Variants in NSD1 observed in about 807,000 individuals in gnomAD.
The protein encoded by NSD1 is histone-lysine N-methyltransferase, H3 lysine-36 specific.
NSD1 carries 26 observed loss-of-function variants against 242.7 expected under a neutral mutation model. The ratio of observed to expected loss-of-function variants is 0.11; its 90% confidence interval spans 0.08 to 0.15. The LOEUF (loss-of-function observed/expected upper bound fraction) is 0.15, where lower values mean the gene tolerates loss of function less well. NSD1 is among the 10% of genes least tolerant of loss of function. NSD1 has a pLI of 1.00. For missense variants in NSD1, 2,495 were observed against 3,272.8 expected, an observed-to-expected ratio of 0.76 and a Z score of 5.80; for synonymous variants, 1,106 against 1,178.1, an observed-to-expected ratio of 0.94 and a Z score of 1.25.
chr5:177,283,206 G>A (rs6870656), intron 19 of NSD1, among the ~76,000 whole-genome samples: 164 of 152,200 alleles, frequency 1.1e-3, no homozygotes, highest in African/African-American at 3.7e-3. Context: ...TGCCTGCCTC[G>A]GACTCCCAAA....
intron 2 of NSD1, among the ~76,000 whole-genome samples, chr5:177,185,896 T>C (rs1761131676): frequency 1.2e-5 from 1 of 83,670 alleles, no homozygotes. Context: ...AATATATTTA[T>C]ATATTTTATA....
chr5:177,199,146 C>T (rs1762320962), intron 3 of NSD1, among the ~76,000 whole-genome samples: 1 of 152,206 alleles, frequency 6.6e-6, no homozygotes, highest in African/African-American at 2.4e-5. Flanking sequence ...AGGAGATATT[C>T]AGCAGTTAAT....
intron 20 of NSD1, among the ~76,000 whole-genome samples, chr5:177,284,664 T>C (rs1366648012): frequency 6.6e-6 from 1 of 152,232 alleles, no homozygotes; most frequent in East Asian, 1.9e-4. Context: ...CATATGAACT[T>C]ACCACTAATA....
intron 14 of NSD1, among the ~76,000 whole-genome samples, chr5:177,263,891 C>A (rs955102943): frequency 3.9e-5 from 6 of 152,052 alleles, no homozygotes; most frequent in African/African-American, 1.4e-4. Context: ...TTAAAATTTT[C>A]GTAAACTATT....
In NSD1 at chr5:177,211,353, C is replaced by T. The variant is rs769137468; in HGVS notation, c.2954C>T (p.Ser985Phe). Reference sequence around the variant, plus strand: ...AATCCTAGCCCTAGTGGGGGTGACTCTGCATTATCTGGCGAGTTGTCTGCT... The same window carrying T: ...AATCCTAGCCCTAGTGGGGGTGACTTTGCATTATCTGGCGAGTTGTCTGCT... ...SANPSPSGGD[S>F]ALSGELSASL... Residue 985 changes from serine to phenylalanine, a missense_variant, in exon 5 of 23, where the codon TCT (serine) becomes TTT (phenylalanine). Physicochemically the swap from Ser to Phe is radical, Grantham distance 155. Around this residue, in one of 19 missense-constraint regions of NSD1, gnomAD observed 426 missense variants for 411.4 expected, o/e 1.04. Transcript: ENST00000439151. 6.2e-7 allele frequency: 1 copy of T among 1,614,116 alleles called. No homozygotes were observed. The highest frequency in any genetic ancestry group is 8.5e-7 in the Non-Finnish European group (1 of 1,180,014).
chr5:177,254,285 A>T (rs936509339), intron 12 of NSD1, among the ~76,000 whole-genome samples: 2 of 152,160 alleles, frequency 1.3e-5, no homozygotes, highest in East Asian at 3.9e-4. Flanking sequence ...TGTAAGACTA[A>T]TAGTTCTTAA....
At chr5:177,207,578 G>A (rs1482431427) in intron 4 of NSD1, among the ~76,000 whole-genome samples, 1 of 136,002 alleles carries the variant, frequency 7.4e-6, no homozygotes, top group Non-Finnish European at 1.5e-5. Flanking sequence ...CACCGTGCCT[G>A]GCCTATTTAT....
At chr5:177,288,486 TTGA>T (rs1167012244) in intron 20 of NSD1, 2 of 317,376 alleles carry the variant, frequency 6.3e-6, no homozygotes, top group Non-Finnish European at 1.2e-5. Flanking sequence ...GCCTGACACA[TTGA>T]TAAGTTGTTT....
At chr5:177,156,908 T>TTGC (rs1208662697) in intron 2 of NSD1, among the ~76,000 whole-genome samples, 1 of 151,388 alleles carries the variant, frequency 6.6e-6, no homozygotes, top group East Asian at 1.9e-4. Context: ...GAGGCAGAGG[T>TTGC]TGCTTTGAGC....
rs372004424 is a variant in NSD1, at chr5:177,212,048, C to T, written c.3649C>T (p.Pro1217Ser). Residue 1217 changes from proline to serine, a missense_variant, in exon 5 of 23, where the codon CCA (proline) becomes TCA (serine). Transcript: ENST00000439151. The stretch of plus-strand genomic sequence containing the variant: ...TCCTTCAGCAAGCATACTTGAGGAA[C>T]CACTGACAGAGCAAAATCATGCTGA... The part of the protein sequence containing the change: ...RTPSASILEE[P>S]LTEQNHADCL... The T allele has an allele frequency of 1.1e-5, 17 of 1,614,060 alleles. No individual in the cohort carries two copies. In the African/African-American group the frequency reaches 1.5e-4, roughly 14 times the overall value.
At chr5:177,181,426 G>C (rs1009437011) in intron 2 of NSD1, among the ~76,000 whole-genome samples, 26 of 119,774 alleles carry the variant, frequency 2.2e-4, no homozygotes, top group Non-Finnish European at 3.6e-4. Flanking sequence ...GTTTTTTTTT[G>C]GTTTTTTTTT....
chr5:177,175,758 G>A (rs939207747), intron 2 of NSD1, among the ~76,000 whole-genome samples: 1 of 152,056 alleles, frequency 6.6e-6, no homozygotes, highest in Non-Finnish European at 1.5e-5. Context: ...TATGAAAATA[G>A]TAACATCTAG....
intron 20 of NSD1, among the ~76,000 whole-genome samples, chr5:177,285,563 C>CAAAAA (rs772293606): frequency 1.5e-4 from 12 of 81,910 alleles, no homozygotes; most frequent in African/African-American, 5.9e-4. Flanking sequence ...GATTCCATCT[C>CAAAAA]AAAAAAAAAA....
intron 3 of NSD1, among the ~76,000 whole-genome samples, chr5:177,194,441 C>CT (rs749501540): frequency 0.027 from 3,150 of 118,520 alleles, 43 homozygotes; most frequent in South Asian, 0.049. Context: ...CCACACATGG[C>CT]TTTTTTTTTT....
chr5:177,163,142 C>CTT (rs1237651560), intron 2 of NSD1, among the ~76,000 whole-genome samples: 254 of 133,096 alleles, frequency 1.9e-3, no homozygotes, highest in East Asian at 8.2e-3. Context: ...TGAAATGTCT[C>CTT]TTTTTTTTTT....
chr5:177,166,317 G>T (rs770246706), intron 2 of NSD1, among the ~76,000 whole-genome samples: 68 of 152,040 alleles, frequency 4.5e-4, no homozygotes, highest in Non-Finnish European at 7.9e-4. Context: ...GGAGGCTGAG[G>T]TGGGCGGATC....
Position 177,191,988 on chromosome 5 carries a change from TC to T in NSD1, c.1034del (p.Pro345ArgfsTer2). The T allele has an allele frequency of 6.2e-7, 1 of 1,614,182 alleles. No homozygotes were observed. The highest frequency in any genetic ancestry group is 8.5e-7 in the Non-Finnish European group (1 of 1,180,022). On this transcript the variant is annotated frameshift_variant, in exon 3 of 23. Coordinates refer to ENST00000439151, the MANE Select transcript of NSD1 (RefSeq NM_022455.5). LOFTEE classifies it high-confidence loss of function. Reference sequence around the variant, plus strand: ...GGTGGCCCTGCAGGATTTGTTCTGATCCGTTGATTAACACACATTCAAAAAT... The same window carrying T: ...GGTGGCCCTGCAGGATTTGTTCTGATCGTTGATTAACACACATTCAAAAAT... ...PWWPCRICSD[P>X]LINTHSKMKV... is the part of the protein sequence containing the mutation.
intron 2 of NSD1, among the ~76,000 whole-genome samples, chr5:177,181,863 A>T (rs1448855517): frequency 1.3e-5 from 2 of 151,772 alleles, no homozygotes; most frequent in Admixed American, 6.6e-5. Flanking sequence ...ATAAAAATTT[A>T]AAAAATTAGC....
At position 177,280,784 on chromosome 5, in the gene NSD1, C is replaced by T. The variant is rs886041941; in HGVS notation, c.5842C>T (p.Arg1948Cys). The T allele has an allele frequency of 6.2e-7, 1 of 1,614,180 alleles. No homozygotes were observed. ...KRQYPEVEIF[R>C]TLQRGWGLRT... Reference sequence around the variant, plus strand: ...CCAATATCCAGAGGTTGAAATTTTCCGCACATTACAGCGGGGTTGGGGTCT... The same window carrying T: ...CCAATATCCAGAGGTTGAAATTTTCTGCACATTACAGCGGGGTTGGGGTCT... Residue 1948 changes from arginine (R) to cysteine (C), a missense_variant, in exon 18 of 23, where the codon CGC becomes TGC. By Grantham distance (180) the Arg-to-Cys change is radical. Coordinates refer to ENST00000439151, the MANE Select transcript of NSD1 (RefSeq NM_022455.5).
Sources: gnomAD v4.1 joint callset for allele counts (sites outside exome capture counted in the v4.1 genomes callset) on GRCh38, gnomAD v4.1.1 for gene constraint, gnomAD v4.1.1 regional missense constraint, MANE v1.5 for transcripts, NCBI Gene and HGNC (gene_info 2026-07-23, HGNC 2026-07-21) for gene names.